The following FSTL4 variants were observed in gnomAD, a reference collection of about 807,000 sequenced individuals.
The protein encoded by FSTL4 is follistatin-related protein 4.
FSTL4 carries 28 observed loss-of-function variants against 78.2 expected under a neutral mutation model. That is an observed-to-expected ratio of 0.36 (90% CI 0.27 to 0.49). FSTL4 has a LOEUF of 0.49. FSTL4 is among the 20% of genes least tolerant of loss of function. The pLI, the probability that FSTL4 is intolerant of heterozygous loss-of-function variation, is 0.98. For missense variants in FSTL4, 922 were observed against 1,084.9 expected, an observed-to-expected ratio of 0.85 and a Z score of 2.11; for synonymous variants, 422 against 440.5, an observed-to-expected ratio of 0.96 and a Z score of 0.53.
the FSTL4 span, among the ~76,000 whole-genome samples, chr5:133,695,919 T>G: frequency 6.6e-6 from 1 of 152,220 alleles, no homozygotes; most frequent in Non-Finnish European, 1.5e-5. Context: ...AATGTCTGCT[T>G]CTGCTGGCTC....
chr5:133,707,609 A>G, the FSTL4 span, among the ~76,000 whole-genome samples: 7 of 152,206 alleles, frequency 4.6e-5, no homozygotes, highest in African/African-American at 1.7e-4. Context: ...GCCCTGAGAA[A>G]GCCCTTTCCT....
At chr5:133,696,730 G>A in the FSTL4 span, among the ~76,000 whole-genome samples, 4 of 152,232 alleles carry the variant, frequency 2.6e-5, no homozygotes, top group African/African-American at 4.8e-5. Context: ...GGGCTGTGGG[G>A]AAGGAGGAGG....
chr5:133,531,591 C>T (rs907594744), intron 3 of FSTL4, among the ~76,000 whole-genome samples: 4 of 152,108 alleles, frequency 2.6e-5, no homozygotes, highest in Non-Finnish European at 4.4e-5. Context: ...GAATGAACAG[C>T]GATGGAGTGA....
chr5:133,661,382 G>A, the FSTL4 span, among the ~76,000 whole-genome samples: 1 of 152,212 alleles, frequency 6.6e-6, no homozygotes, highest in African/African-American at 2.4e-5. Context: ...TAAAGATATA[G>A]TAAGAGCTTC....
chr5:133,306,827 C>T (rs1753669261), intron 6 of FSTL4, among the ~76,000 whole-genome samples: 1 of 152,292 alleles, frequency 6.6e-6, no homozygotes, highest in Middle Eastern at 3.4e-3. Flanking sequence ...GGTGAAGCAG[C>T]CTCTATCCTC....
At chr5:133,558,663 C>T (rs564026172) in intron 3 of FSTL4, among the ~76,000 whole-genome samples, 92 of 152,074 alleles carry the variant, frequency 6.0e-4, no homozygotes, top group African/African-American at 2.0e-3. Flanking sequence ...CAGGCCCTGA[C>T]GCATTTCTTG....
intron 7 of FSTL4, among the ~76,000 whole-genome samples, chr5:133,249,171 A>C (rs866148246): frequency 6.6e-6 from 1 of 152,058 alleles, no homozygotes; most frequent in Non-Finnish European, 1.5e-5. Context: ...CTCCTGTCCC[A>C]CCCATCGCAT....
chr5:133,804,710 C>G, the FSTL4 span, among the ~76,000 whole-genome samples: 1 of 152,128 alleles, frequency 6.6e-6, no homozygotes, highest in Middle Eastern at 3.4e-3. Context: ...CATGTTGGGC[C>G]GAGGCAGGTG....
At chr5:133,685,156 G>C in the FSTL4 span, among the ~76,000 whole-genome samples, 2 of 152,184 alleles carry the variant, frequency 1.3e-5, no homozygotes, top group Admixed American at 6.5e-5. Context: ...CATCTCCTCT[G>C]GTGCAAAGGA....
At chr5:133,812,300 G>C in the FSTL4 span, among the ~76,000 whole-genome samples, 388 of 152,308 alleles carry the variant, frequency 2.5e-3, 1 homozygote, top group African/African-American at 8.8e-3. Context: ...GGCCAGAGTG[G>C]TCACATCACT....
intron 6 of FSTL4, among the ~76,000 whole-genome samples, chr5:133,257,879 G>C (rs1306774242): frequency 6.6e-6 from 1 of 152,174 alleles, no homozygotes; most frequent in African/African-American, 2.4e-5. Flanking sequence ...TTTGCAAAAG[G>C]AGAGTATCCT....
intron 2 of FSTL4, among the ~76,000 whole-genome samples, chr5:133,589,595 G>A (rs1760581875): frequency 1.3e-5 from 2 of 152,008 alleles, no homozygotes; most frequent in South Asian, 4.2e-4. Context: ...GGAGGAGGGG[G>A]AATAGGGGCA....
At chr5:133,559,858 G>A (rs940075463) in intron 3 of FSTL4, among the ~76,000 whole-genome samples, 1 of 152,238 alleles carries the variant, frequency 6.6e-6, no homozygotes, top group African/African-American at 2.4e-5. Flanking sequence ...AGCATTCCCA[G>A]GGACTGGTGG....
intron 3 of FSTL4, among the ~76,000 whole-genome samples, chr5:133,474,965 A>G (rs1170935272): frequency 6.6e-6 from 1 of 152,214 alleles, no homozygotes; most frequent in East Asian, 1.9e-4. Flanking sequence ...GTGGCCCCGA[A>G]GTCATCCTAA....
intron 3 of FSTL4, among the ~76,000 whole-genome samples, chr5:133,509,562 G>A (rs1272128345): frequency 6.6e-6 from 1 of 152,186 alleles, no homozygotes; most frequent in African/African-American, 2.4e-5. Context: ...ACCAATGAGT[G>A]TTCACTCTCG....
the FSTL4 span, among the ~76,000 whole-genome samples, chr5:133,832,089 T>C: frequency 1.3e-5 from 2 of 152,194 alleles, no homozygotes; most frequent in East Asian, 3.8e-4. Context: ...ACTTAGCACT[T>C]GCGGACTTAA....
chr5:133,460,198 T>A (rs1320652509), intron 3 of FSTL4, among the ~76,000 whole-genome samples: 3 of 152,048 alleles, frequency 2.0e-5, no homozygotes, highest in African/African-American at 7.2e-5. Flanking sequence ...TTTCAGTACA[T>A]CTCTGCTTAT....
rs139396593 is a variant in FSTL4 at position 133,215,834 on chromosome 5, A to C, written c.1608+1395T>G. ...ATCCCATCTTCAAAGACAGCAATTC[A>C]GCATCTTGTTTCAGTTCTCACATTG... is the stretch of plus-strand genomic sequence containing the variant. On this transcript the variant is annotated intron_variant, in intron 13 of 15. Transcript: ENST00000265342. Among the ~76,000 whole-genome samples the C allele has an allele frequency of 4.7e-3, 716 of 152,320 alleles. 5 individuals are homozygous for C. The highest frequency in any genetic ancestry group is 0.016 in the African/African-American group (675 of 41,542).
chr5:133,290,255 CTGTT>C (rs1195453560), intron 6 of FSTL4, among the ~76,000 whole-genome samples: 3 of 152,222 alleles, frequency 2.0e-5, no homozygotes, highest in Non-Finnish European at 4.4e-5. Flanking sequence ...ACAGGTGAGA[CTGTT>C]TGCTGCTCTA....
Sources: allele counts gnomAD v4.1 joint callset (sites outside exome capture counted in the v4.1 genomes callset), GRCh38; gene constraint gnomAD v4.1.1; transcripts MANE v1.5; gene names NCBI Gene and HGNC (gene_info 2026-07-23, HGNC 2026-07-21).